Variants in TNRC6C observed in about 807,000 individuals in gnomAD.
The protein encoded by TNRC6C is trinucleotide repeat-containing gene 6C protein.
A neutral mutation model predicts 153.7 loss-of-function variants in TNRC6C; 20 were observed. The ratio of observed to expected loss-of-function variants is 0.13; its 90% CI spans 0.09 to 0.19. The LOEUF is 0.19. Among genes scored for constraint, TNRC6C ranks in the 10% least tolerant of loss-of-function variants. The pLI, the probability that TNRC6C is intolerant of heterozygous loss-of-function variation, is 1.00. For missense variants in TNRC6C, 1,987 were observed against 2,172.0 expected, an observed-to-expected ratio of 0.91 and a Z score of 1.69; for synonymous variants, 811 against 841.4, an observed-to-expected ratio of 0.96 and a Z score of 0.63.
chr17:78,073,226 C>A, intron 7 of TNRC6C, 132 bp downstream of exon 9: 1 of 622,496 alleles, frequency 1.6e-6, no homozygotes, highest in Non-Finnish European at 2.6e-6. Flanking sequence ...AGTGAAGGGG[C>A]AACCACACAA....
intron 1 of TNRC6C, among the ~76,000 whole-genome samples, chr17:77,988,878 A>G (rs1455466495): frequency 1.3e-5 from 2 of 152,216 alleles, no homozygotes; most frequent in African/African-American, 4.8e-5. Context: ...GATCATCTTC[A>G]TTTCAAGTAG....
At chr17:78,057,282 C>G (rs1473253983) in intron 3 of TNRC6C, among the ~76,000 whole-genome samples, 1 of 152,202 alleles carries the variant, frequency 6.6e-6, no homozygotes, top group Non-Finnish European at 1.5e-5. Flanking sequence ...ATGTTTAACT[C>G]TCAGACATGA....
At chr17:78,100,770 CTTT>C (rs56816459) in intron 17 of TNRC6C, among the ~76,000 whole-genome samples, 29 of 104,026 alleles carry the variant, frequency 2.8e-4, no homozygotes, top group East Asian at 5.2e-4. Context: ...ATGGGATTTC[CTTT>C]TTTTTTTTTT....
exon 19 of TNRC6C, chr17:78,103,424 C>G (rs2073633292): frequency 6.2e-7 from 1 of 1,613,968 alleles, no homozygotes; most frequent in East Asian, 2.2e-5. Flanking sequence ...ATTGATGGTT[C>G]TACACTGCGG....
At chr17:78,029,808 G>GAC (rs57924935) in intron 1 of TNRC6C, among the ~76,000 whole-genome samples, 3,483 of 146,326 alleles carry the variant, frequency 0.024, 31 homozygotes, top group East Asian at 0.031. Flanking sequence ...TAAAAACCTA[G>GAC]ACACACACAC....
chr17:77,964,557 A>G (rs1396698832), intron 1 of TNRC6C, among the ~76,000 whole-genome samples: 4 of 152,206 alleles, frequency 2.6e-5, no homozygotes, highest in African/African-American at 7.2e-5. Flanking sequence ...AGCCTGGCAA[A>G]GATATTGTTT....
upstream of TNRC6C, among the ~76,000 whole-genome samples, chr17:77,958,086 C>T (rs2070822826): frequency 6.6e-6 from 1 of 151,990 alleles, no homozygotes; most frequent in Non-Finnish European, 1.5e-5. Context: ...CCCAAGGACT[C>T]GTGTGCGTGT....
At chr17:78,053,564 G>T (rs2072581543) in intron 3 of TNRC6C, among the ~76,000 whole-genome samples, 1 of 151,900 alleles carries the variant, frequency 6.6e-6, no homozygotes, top group Non-Finnish European at 1.5e-5. Context: ...AGGAGGCGGA[G>T]GTTGCAGTGA....
intron 1 of TNRC6C, among the ~76,000 whole-genome samples, chr17:78,024,985 G>A (rs183081585): frequency 3.3e-5 from 5 of 151,718 alleles, no homozygotes; most frequent in Non-Finnish European, 5.9e-5. Context: ...ATAGAGACGG[G>A]GTTTCACCAT....
rs187965510 is a variant in TNRC6C, at chr17:78,074,759, C to G, written c.2918-377C>G. ...CAAGAAAGCAACCACTGAGCCCACC[C>G]GAAATGAGGAAGCAAGTCTTGCAGA... On this transcript the variant is annotated intron_variant, in intron 7 of 19. Coordinates refer to ENST00000301624, the Ensembl canonical transcript of TNRC6C. Among the ~76,000 whole-genome samples the G allele has an allele frequency of 3.8e-3, 579 of 152,270 alleles. 7 individuals are homozygous for G. Among genetic ancestry groups the G allele is most frequent in the African/African-American group, 0.013 (524 of 41,560 alleles).
intron 15 of TNRC6C, 114 bp downstream of exon 17, chr17:78,093,238 T>C: frequency 8.4e-7 from 1 of 1,184,542 alleles, no homozygotes; most frequent in South Asian, 1.5e-5. Flanking sequence ...CTGGAAGCGT[T>C]AAGCCCAGAG....
intron 3 of TNRC6C, among the ~76,000 whole-genome samples, chr17:78,060,496 G>C (rs931607679): frequency 7.7e-6 from 1 of 129,840 alleles, no homozygotes; most frequent in Non-Finnish European, 1.6e-5. Context: ...TTTTGAGACA[G>C]AGTCTTAACT....
chr17:77,985,417 C>T (rs1001981931), intron 1 of TNRC6C, among the ~76,000 whole-genome samples: 10 of 151,648 alleles, frequency 6.6e-5, no homozygotes, highest in Non-Finnish European at 1.3e-4. Flanking sequence ...CACGGTGAAA[C>T]CCCGTCTCTA....
At chr17:78,077,471 AC>A in intron 9 of TNRC6C, 137 bp downstream of exon 11, 2 of 1,147,572 alleles carry the variant, frequency 1.7e-6, no homozygotes, top group Non-Finnish European at 2.5e-6. Flanking sequence ...TTGAAATACT[AC>A]CAGGATTTCC....
At chr17:78,045,459 C>T (rs1056397844) in intron 2 of TNRC6C, among the ~76,000 whole-genome samples, 3 of 152,080 alleles carry the variant, frequency 2.0e-5, no homozygotes, top group African/African-American at 7.2e-5. Context: ...GAGATCTACA[C>T]CTCAAAGCCC....
exon 20 of TNRC6C, chr17:78,107,604 A>G (rs1444204773): frequency 6.6e-6 from 1 of 152,172 alleles, no homozygotes; most frequent in Non-Finnish European, 1.5e-5. Context: ...GTGAACTCAG[A>G]TTTTCCATTG....
chr17:78,038,097 G>A (rs1279469143), intron 2 of TNRC6C, among the ~76,000 whole-genome samples: 1 of 152,114 alleles, frequency 6.6e-6, no homozygotes, highest in Non-Finnish European at 1.5e-5. Context: ...ACAGAAAGAT[G>A]ACGTAAGAGA....
exon 3 of TNRC6C, chr17:78,050,226 G>A (rs770251104): frequency 4.6e-6 from 7 of 1,537,632 alleles, no homozygotes; most frequent in South Asian, 2.6e-5. Flanking sequence ...GGGCCAAAGC[G>A]GCATCTTCTG....
intron 11 of TNRC6C, among the ~76,000 whole-genome samples, chr17:78,083,710 G>C (rs906205691): frequency 6.6e-6 from 1 of 152,220 alleles, no homozygotes; most frequent in Non-Finnish European, 1.5e-5. Context: ...ACATATAGTA[G>C]ATGCCTTAGA....
Sources: gnomAD v4.1 joint callset for allele counts (sites outside exome capture counted in the v4.1 genomes callset) on GRCh38, gnomAD v4.1.1 for gene constraint, MANE v1.5 for transcripts, NCBI Gene and HGNC (gene_info 2026-07-23, HGNC 2026-07-21) for gene names.